C1orf185: variants seen among roughly 807,000 people sequenced by gnomAD.
C1orf185 encodes the protein uncharacterized protein C1orf185.
A neutral mutation model predicts 16.1 loss-of-function variants in C1orf185; 13 were observed. That is an observed-to-expected ratio of 0.81 (90% CI 0.53 to 1.28). The LOEUF is 1.28. Among genes scored for constraint, C1orf185 ranks in the 50% most tolerant of loss-of-function variants. The pLI, the probability that C1orf185 is intolerant of heterozygous loss-of-function variation, is 0.00. For missense variants in C1orf185, 220 were observed against 225.2 expected (o/e 0.98, Z 0.15); for synonymous variants, 80 against 76.9 (o/e 1.04, Z -0.21).
At chr1:51,126,459 C>A (rs1646241347) in intron 3 of C1orf185, among the ~76,000 whole-genome samples, 1 of 152,044 alleles carries the variant, frequency 6.6e-6, no homozygotes, top group Non-Finnish European at 1.5e-5. Flanking sequence ...TAGAGTCTTG[C>A]TGTGTTGCCG....
intron 3 of C1orf185, chr1:51,129,791 G>A (rs1646269730): frequency 6.6e-6 from 1 of 152,196 alleles, no homozygotes; most frequent in Admixed American, 6.6e-5. Flanking sequence ...AGCAGAGAGA[G>A]CAAGAGCGCA....
chr1:51,117,453 C>T (rs997083359), intron 2 of C1orf185, among the ~76,000 whole-genome samples: 1 of 152,044 alleles, frequency 6.6e-6, no homozygotes, highest in East Asian at 1.9e-4. Context: ...TAAAATCCAC[C>T]ATTATAGTAT....
intron 1 of C1orf185, among the ~76,000 whole-genome samples, chr1:51,107,927 G>A (rs992336617): frequency 2.0e-5 from 3 of 152,124 alleles, no homozygotes; most frequent in Non-Finnish European, 2.9e-5. Flanking sequence ...CAATTTGTGG[G>A]CTATGTCAAG....
chr1:51,145,941 C>A (rs1314545240), intron 4 of C1orf185, among the ~76,000 whole-genome samples, 181 bp downstream of exon 4: 5 of 151,966 alleles, frequency 3.3e-5, no homozygotes, highest in Non-Finnish European at 2.9e-5. Context: ...ACAAAACTTG[C>A]AATATCGTAT....
Position 51,147,859 on chromosome 1 carries a change from A to C in C1orf185, c.*88A>C. ...AAAACCTTCAACATAATACTGAATG[A>C]CTTTTTTCTTTTGAAACCTTGTATA... On this transcript the variant is annotated 3_prime_UTR_variant, in exon 5 of 5. Transcript: ENST00000371759. 1 of 1,220,766 alleles carries C rather than the reference A, an allele frequency of 8.2e-7. No homozygotes were observed. The highest frequency in any genetic ancestry group is 3.1e-5 in the Admixed American group (1 of 31,904). 75.6% of individuals were successfully genotyped at this position (1,220,766 alleles called of 1,614,324 possible). A position where few individuals can be genotyped will look rare whatever the true frequency, so the allele number is the denominator to read the frequency against.
At chr1:51,140,486 A>G (rs1646357488) in intron 3 of C1orf185, among the ~76,000 whole-genome samples, 1 of 152,052 alleles carries the variant, frequency 6.6e-6, no homozygotes, top group Admixed American at 6.6e-5. Flanking sequence ...AGATTGCTTT[A>G]TGTTTAATGT....
chr1:51,148,991 T>C (rs1646417726), downstream of C1orf185, among the ~76,000 whole-genome samples: 1 of 152,174 alleles, frequency 6.6e-6, no homozygotes, highest in South Asian at 2.1e-4. Flanking sequence ...CTCAGAATGT[T>C]CCTCACCCTC....
downstream of C1orf185, chr1:51,148,214 C>T (rs1351382444): frequency 6.5e-6 from 1 of 153,510 alleles, no homozygotes; most frequent in African/African-American, 2.4e-5. Context: ...ACCTTCACCT[C>T]CAGGGTTCAA....
chr1:51,105,789 C>T (rs1006037808), intron 1 of C1orf185, among the ~76,000 whole-genome samples: 7 of 151,970 alleles, frequency 4.6e-5, no homozygotes, highest in Non-Finnish European at 8.8e-5. Flanking sequence ...GTATATAATA[C>T]GACTTTATGA....
chr1:51,110,751 T>C (rs1255964509), intron 1 of C1orf185, among the ~76,000 whole-genome samples: 1 of 152,062 alleles, frequency 6.6e-6, no homozygotes, highest in Non-Finnish European at 1.5e-5. Flanking sequence ...GGTGAATCAC[T>C]TGAGGTCAGG....
At chr1:51,127,885 GT>G (rs769457494) in intron 3 of C1orf185, among the ~76,000 whole-genome samples, 8,174 of 115,180 alleles carry the variant, frequency 0.071, 109 homozygotes, top group African/African-American at 0.098. Context: ...TCTTTTCTTT[GT>G]TTTTTTTTTT....
At chr1:51,126,490 G>A (rs1240455904) in intron 3 of C1orf185, among the ~76,000 whole-genome samples, 1 of 151,964 alleles carries the variant, frequency 6.6e-6, no homozygotes, top group East Asian at 1.9e-4. Context: ...CGAACTCCTG[G>A]GCTCAAGTGA....
intron 2 of C1orf185, among the ~76,000 whole-genome samples, chr1:51,114,931 G>T (rs972422891): frequency 6.6e-6 from 1 of 152,004 alleles, no homozygotes; most frequent in Admixed American, 6.6e-5. Context: ...TCCTTTCCAG[G>T]CATCACTCCT....
chr1:51,143,702 C>T (rs528188265), intron 3 of C1orf185, among the ~76,000 whole-genome samples: 16 of 152,300 alleles, frequency 1.1e-4, no homozygotes, highest in African/African-American at 3.6e-4. Flanking sequence ...CTTGCTTTGT[C>T]ACCCAGTCTG....
chr1:51,116,654 A>C (rs1171860753), intron 2 of C1orf185, among the ~76,000 whole-genome samples: 1 of 151,994 alleles, frequency 6.6e-6, no homozygotes, highest in African/African-American at 2.4e-5. Context: ...ATTTTAAAGG[A>C]CTTTTCATTG....
chr1:51,124,662 G>A (rs956673258), intron 3 of C1orf185, among the ~76,000 whole-genome samples: 1 of 152,186 alleles, frequency 6.6e-6, no homozygotes, highest in African/African-American at 2.4e-5. Flanking sequence ...TGGAGGAATG[G>A]ATTACTTAGA....
At chr1:51,131,087 A>C (rs1646280126) in intron 3 of C1orf185, among the ~76,000 whole-genome samples, 1 of 152,118 alleles carries the variant, frequency 6.6e-6, no homozygotes, top group African/African-American at 2.4e-5. Context: ...TTTTTAGTAG[A>C]GATGGAGGTT....
intron 4 of C1orf185, 106 bp from the exon 5 acceptor site, chr1:51,147,361 A>C (rs1646407146): frequency 1.0e-6 from 1 of 999,888 alleles, no homozygotes; most frequent in South Asian, 1.9e-5. Flanking sequence ...GGATGATAGC[A>C]ACTCAGAATT....
At chr1:51,141,155 C>T (rs760674495) in intron 3 of C1orf185, among the ~76,000 whole-genome samples, 2 of 152,136 alleles carry the variant, frequency 1.3e-5, no homozygotes, top group Admixed American at 6.5e-5. Context: ...GAGAACTCTA[C>T]TGAAGTTTTG....
Sources: gnomAD v4.1 joint callset for allele counts (sites outside exome capture counted in the v4.1 genomes callset) on GRCh38, gnomAD v4.1.1 for gene constraint, MANE v1.5 for transcripts, NCBI Gene and HGNC (gene_info 2026-07-23, HGNC 2026-07-21) for gene names.